Variants in NELL2 observed in about 807,000 individuals in gnomAD.
NELL2 encodes neural EGFL like 2.
A neutral mutation model predicts 109.6 loss-of-function variants in NELL2; 41 were observed. The observed-to-expected ratio is 0.37, with a 90% confidence interval of 0.29 to 0.49. The LOEUF is 0.49. Among genes scored for constraint, NELL2 ranks in the 20% least tolerant of loss-of-function variants. The pLI is 0.98. For synonymous variants in NELL2, 355 were observed against 344.7 expected, an observed-to-expected ratio of 1.03 and a Z score of -0.33; for missense variants, 900 against 1,008.3, an observed-to-expected ratio of 0.89 and a Z score of 1.45.
In NELL2 at chr12:44,774,341, T is replaced by C. The variant is rs138717187; in HGVS notation, c.994+406A>G. ...CTATAATAATGTGGACTTCTGTTGTTTGGGCTAATGGAACAGCATATCTTC... is the reference window on the plus strand; with the variant it reads ...CTATAATAATGTGGACTTCTGTTGTCTGGGCTAATGGAACAGCATATCTTC... On this transcript the variant is annotated intron_variant, in intron 9 of 19. Transcript: ENST00000429094. Among the ~76,000 whole-genome samples the C allele has an allele frequency of 4.3e-3, 659 of 152,342 alleles. 3 individuals carry two copies. Among genetic ancestry groups the C allele is most frequent in the African/African-American group, 0.015 (624 of 41,578 alleles).
At chr12:44,594,923 G>GTCCCCC (rs1330417630) in intron 15 of NELL2, among the ~76,000 whole-genome samples, 2 of 152,250 alleles carry the variant, frequency 1.3e-5, no homozygotes, top group Admixed American at 1.3e-4. Context: ...TATACACAGA[G>GTCCCCC]TCCCCCTTCT....
At chr12:44,643,500 G>A (rs1946936331) in intron 13 of NELL2, among the ~76,000 whole-genome samples, 1 of 151,664 alleles carries the variant, frequency 6.6e-6, no homozygotes, top group Admixed American at 6.6e-5. Context: ...CTTCCAAAGG[G>A]AAAAAAAAGA....
At chr12:44,637,156 A>G (rs998854760) in intron 13 of NELL2, among the ~76,000 whole-genome samples, 5 of 151,292 alleles carry the variant, frequency 3.3e-5, no homozygotes, top group Admixed American at 3.3e-4. Flanking sequence ...CTTCTTTATT[A>G]GTCTGGCTAG....
intron 13 of NELL2, among the ~76,000 whole-genome samples, chr12:44,656,924 T>C (rs887324232): frequency 2.0e-5 from 3 of 152,202 alleles, no homozygotes; most frequent in Admixed American, 2.0e-4. Context: ...GGAAGAAGAA[T>C]AAAAACAATA....
At chr12:44,735,581 C>T (rs1429850879) in intron 9 of NELL2, among the ~76,000 whole-genome samples, 4 of 152,146 alleles carry the variant, frequency 2.6e-5, no homozygotes, top group Admixed American at 6.5e-5. Context: ...ATAGGTTCTT[C>T]GCTTTTGTTT....
chr12:44,545,639 C>T (rs1272545544), intron 15 of NELL2, among the ~76,000 whole-genome samples: 1 of 152,076 alleles, frequency 6.6e-6, no homozygotes, highest in Non-Finnish European at 1.5e-5. Context: ...TGTAGTAAAA[C>T]ATGGCTGAAC....
At chr12:44,767,952 TA>T (rs1941400753) in intron 9 of NELL2, among the ~76,000 whole-genome samples, 2 of 152,170 alleles carry the variant, frequency 1.3e-5, no homozygotes, top group South Asian at 2.1e-4. Flanking sequence ...ATTAAAGCAT[TA>T]AAAATACTGT....
At chr12:44,527,769 T>A (rs192607677) in intron 16 of NELL2, among the ~76,000 whole-genome samples, 13 of 152,212 alleles carry the variant, frequency 8.5e-5, no homozygotes, top group Admixed American at 3.9e-4. Flanking sequence ...TTATCTTTTT[T>A]AAAAAATATA....
chr12:44,853,861 A>T (rs917107982), intron 2 of NELL2, among the ~76,000 whole-genome samples: 4 of 152,192 alleles, frequency 2.6e-5, no homozygotes, highest in Non-Finnish European at 5.9e-5. Flanking sequence ...GTCCTCCTCC[A>T]AACAAAGTCA....
intron 12 of NELL2, among the ~76,000 whole-genome samples, chr12:44,703,168 CT>C (rs1258680684): frequency 7.2e-5 from 11 of 152,288 alleles, no homozygotes; most frequent in African/African-American, 2.6e-4. Context: ...AGTCCACTCA[CT>C]GTATGTGGAC....
chr12:44,738,634 A>G (rs1566274625), intron 9 of NELL2, among the ~76,000 whole-genome samples: 1 of 152,116 alleles, frequency 6.6e-6, no homozygotes, highest in Non-Finnish European at 1.5e-5. Flanking sequence ...AAAGACTAGA[A>G]CCATAGATGC....
intron 15 of NELL2, among the ~76,000 whole-genome samples, chr12:44,600,221 G>A (rs1414854214): frequency 6.7e-6 from 1 of 150,092 alleles, no homozygotes; most frequent in Non-Finnish European, 1.5e-5. Context: ...GTGTTAGTCA[G>A]GATGGTCTGG....
chr12:44,519,779 G>A (rs765531200), intron 19 of NELL2, among the ~76,000 whole-genome samples: 4 of 152,092 alleles, frequency 2.6e-5, no homozygotes, highest in African/African-American at 7.2e-5. Flanking sequence ...TATAAATAAC[G>A]GATCATTCTG....
intron 9 of NELL2, among the ~76,000 whole-genome samples, chr12:44,750,696 C>T (rs749031225): frequency 4.6e-5 from 7 of 152,132 alleles, no homozygotes; most frequent in Admixed American, 1.3e-4. Context: ...CGGGTCAAAG[C>T]GTTCAGGAAA....
At chr12:44,690,779 A>G (rs1948873958) in intron 12 of NELL2, among the ~76,000 whole-genome samples, 1 of 152,190 alleles carries the variant, frequency 6.6e-6, no homozygotes, top group Admixed American at 6.5e-5. Context: ...TGCTTAACAA[A>G]TACTGTGAAT....
intron 12 of NELL2, among the ~76,000 whole-genome samples, chr12:44,701,334 T>G (rs1244122803): frequency 6.6e-6 from 1 of 152,110 alleles, no homozygotes; most frequent in Non-Finnish European, 1.5e-5. Context: ...TCTTATGTTT[T>G]GAAGATTATA....
rs181190191 is a variant in NELL2 at position 44,587,010 on chromosome 12, C to T, written c.1663+20159G>A. Among the ~76,000 whole-genome samples the T allele has an allele frequency of 6.4e-3, 974 of 151,994 alleles. 10 individuals carry two copies. Among genetic ancestry groups the T allele is most frequent in the African/African-American group, 0.022 (933 of 41,504 alleles). ...AGTATGGGCCGGGAGCAGTGGCTCA[C>T]GCCTGTAATCCCGGCACTTTGGGAG... is the stretch of plus-strand genomic sequence containing the variant. On this transcript the variant is annotated intron_variant, in intron 15 of 19. Transcript: ENST00000429094.
intron 15 of NELL2, among the ~76,000 whole-genome samples, chr12:44,577,757 C>T (rs533893653): frequency 3.7e-4 from 56 of 152,242 alleles, no homozygotes; most frequent in African/African-American, 1.3e-3. Context: ...GGATTACAGG[C>T]ATGAGTCACT....
chr12:44,860,914 A>G (rs1032718968), intron 2 of NELL2, among the ~76,000 whole-genome samples: 1 of 152,232 alleles, frequency 6.6e-6, no homozygotes, highest in African/African-American at 2.4e-5. Flanking sequence ...CCACTGAAGT[A>G]TCAACTCAAA....
Sources: gnomAD v4.1 joint callset for allele counts (sites outside exome capture counted in the v4.1 genomes callset) on GRCh38, gnomAD v4.1.1 for gene constraint, MANE v1.5 for transcripts, NCBI Gene and HGNC (gene_info 2026-07-23, HGNC 2026-07-21) for gene names.